PRKN: variants seen among roughly 807,000 people sequenced by gnomAD.
PRKN encodes the protein E3 ubiquitin-protein ligase parkin.
A neutral mutation model predicts 59.5 loss-of-function variants in PRKN; 56 were observed. The observed-to-expected ratio is 0.94, with a 90% CI of 0.76 to 1.18. The LOEUF (loss-of-function observed/expected upper bound fraction) is 1.18. PRKN is among the 50% of genes most tolerant of loss of function. The probability of loss-of-function intolerance (pLI) is 0.00; values close to 1 mark genes in which losing one functional copy is unlikely to be tolerated. For missense variants in PRKN, 657 were observed against 596.4 expected, an observed-to-expected ratio of 1.10 and a Z score of -1.06; for synonymous variants, 250 against 222.1, an observed-to-expected ratio of 1.13 and a Z score of -1.12.
intron 2 of PRKN, among the ~76,000 whole-genome samples, chr6:162,377,069 C>T (rs918809427): frequency 1.3e-5 from 2 of 152,074 alleles, no homozygotes; most frequent in African/African-American, 2.4e-5. Context: ...TGAACGAGGA[C>T]GTTCTGGTTG....
intron 6 of PRKN, among the ~76,000 whole-genome samples, chr6:161,841,690 T>A (rs1792993558): frequency 1.3e-5 from 2 of 152,158 alleles, no homozygotes; most frequent in Admixed American, 1.3e-4. Flanking sequence ...TCCCTCAATT[T>A]TAGCAAGATC....
At chr6:162,699,675 C>T (rs1447072349) in intron 1 of PRKN, among the ~76,000 whole-genome samples, 1 of 152,074 alleles carries the variant, frequency 6.6e-6, no homozygotes, top group East Asian at 1.9e-4. Flanking sequence ...TGGTGAAGCC[C>T]TTCTTGGGAC....
intron 7 of PRKN, among the ~76,000 whole-genome samples, chr6:161,681,192 C>T (rs1397828143): frequency 6.6e-6 from 1 of 152,084 alleles, no homozygotes; most frequent in African/African-American, 2.4e-5. Flanking sequence ...GAACTCCTGA[C>T]CTCAACTGAC....
intron 1 of PRKN, among the ~76,000 whole-genome samples, chr6:162,546,064 T>C (rs6930532): frequency 0.25 from 37,977 of 150,666 alleles, 6,148 homozygotes; most frequent in African/African-American, 0.46. Flanking sequence ...AAGTTAAATT[T>C]GAGCCAAAAG....
At chr6:162,072,691 T>A (rs185640654) in intron 4 of PRKN, among the ~76,000 whole-genome samples, 10 of 152,196 alleles carry the variant, frequency 6.6e-5, no homozygotes, top group Admixed American at 5.9e-4. Flanking sequence ...TAAACAGTGG[T>A]TTTGTGCTTT....
intron 3 of PRKN, among the ~76,000 whole-genome samples, chr6:162,250,506 A>G (rs1446445720): frequency 6.6e-6 from 1 of 152,214 alleles, no homozygotes; most frequent in Non-Finnish European, 1.5e-5. Flanking sequence ...ATAATGAGTA[A>G]CCATCCCCCA....
chr6:162,437,073 C>A (rs758478128), intron 2 of PRKN, among the ~76,000 whole-genome samples: 4 of 149,356 alleles, frequency 2.7e-5, no homozygotes, highest in Non-Finnish European at 4.4e-5. Context: ...GCCTGGGCGA[C>A]AGAGCGAGAC....
chr6:162,118,117 A>G (rs1470149607), intron 4 of PRKN, among the ~76,000 whole-genome samples: 1 of 151,922 alleles, frequency 6.6e-6, no homozygotes, highest in Non-Finnish European at 1.5e-5. Flanking sequence ...AATTTTAAAA[A>G]TGAGTATGAT....
At position 161,532,180 on chromosome 6, in the gene PRKN, A is replaced by C. The variant is rs866072946; in HGVS notation, c.1083+16674T>G. 9.9e-3 allele frequency among the ~76,000 whole-genome samples: 1,477 copies of C among 149,342 alleles called. 6 individuals are homozygous for C. The highest frequency in any genetic ancestry group is 0.01 in the Middle Eastern group (3 of 288). On this transcript the variant is annotated intron_variant, in intron 9 of 11. Transcript: ENST00000366898. ...TCTCTCTCTCTCTATATATATATAT[A>C]TATATATATATAATCTATCTATGTG...
At chr6:162,550,413 T>C (rs1374057611) in intron 1 of PRKN, among the ~76,000 whole-genome samples, 1 of 152,118 alleles carries the variant, frequency 6.6e-6, no homozygotes, top group Admixed American at 6.5e-5. Flanking sequence ...TTTTGGCTCA[T>C]TGCTACAAGA....
intron 2 of PRKN, among the ~76,000 whole-genome samples, chr6:162,265,856 G>A (rs1011984832): frequency 6.6e-6 from 1 of 152,180 alleles, no homozygotes; most frequent in African/African-American, 2.4e-5. Flanking sequence ...CACATGAGAA[G>A]ATGGCATACT....
At position 162,125,821 on chromosome 6, in the gene PRKN, G is replaced by T. The variant is rs140508438; in HGVS notation, c.535-71647C>A. ...TATTTGTTGAATGAAGGTGTAAATG[G>T]CTGTTTGATGGCTAAGACATGTCTT... On this transcript the variant is annotated intron_variant, in intron 4 of 11. Coordinates refer to ENST00000366898, the MANE Select transcript of PRKN (RefSeq NM_004562.3). 3.7e-3 allele frequency among the ~76,000 whole-genome samples: 565 copies of T among 152,268 alleles called. 7 individuals are homozygous for T. Among genetic ancestry groups the T allele is most frequent in the African/African-American group, 0.013 (532 of 41,554 alleles).
intron 2 of PRKN, among the ~76,000 whole-genome samples, chr6:162,357,367 TG>T (rs1303324369): frequency 6.6e-6 from 1 of 152,128 alleles, no homozygotes; most frequent in African/African-American, 2.4e-5. Flanking sequence ...TAAATACAGC[TG>T]GCAAGTAAGC....
rs1030722977 is a variant in PRKN, at chr6:162,500,399, C to T, written c.8-56926G>A. On this transcript the variant is annotated intron_variant, in intron 1 of 11. Transcript: ENST00000366898. ...GTTGGCCAGGCTGGTCTTGAACTCC[C>T]GACCTCAGGTGATCCACCCGCCTCA... is the stretch of plus-strand genomic sequence containing the variant. 2.1e-5 allele frequency among the ~76,000 whole-genome samples: 3 copies of T among 139,874 alleles called. No homozygotes were observed. In the South Asian group the frequency reaches 6.9e-4, roughly 32 times the overall value. 91.8% of individuals were successfully genotyped at this position (139,874 alleles called of 152,430 possible).
At position 161,444,297 on chromosome 6, in the gene PRKN, C is replaced by T. The variant is rs1583075739; in HGVS notation, c.1084-57420G>A. On this transcript the variant is annotated intron_variant, in intron 9 of 11. Transcript: ENST00000366898. The surrounding 1 kb of genome is among the most constrained non-coding windows in gnomAD (Gnocchi z 5.6). ...CAACTTGTCTTTCCTATTTAGCAAA[C>T]GATTGAGATTCTCTTCCTTAAAGAC... Among the ~76,000 whole-genome samples the T allele has an allele frequency of 1.3e-5, 2 of 152,182 alleles. No homozygotes were observed. The highest frequency in any genetic ancestry group is 4.1e-4 in the South Asian group (2 of 4,828).
intron 2 of PRKN, among the ~76,000 whole-genome samples, chr6:162,353,746 T>C (rs551106855): frequency 9.2e-5 from 14 of 152,242 alleles, no homozygotes; most frequent in African/African-American, 3.1e-4. Flanking sequence ...CACAGCCTAC[T>C]TGATTTTGAG....
chr6:162,336,930 C>T (rs1319940013), intron 2 of PRKN, among the ~76,000 whole-genome samples: 1 of 152,170 alleles, frequency 6.6e-6, no homozygotes, highest in African/African-American at 2.4e-5. Context: ...AACATATCTA[C>T]TCTCAGATAA....
intron 1 of PRKN, among the ~76,000 whole-genome samples, chr6:162,652,396 C>T (rs1427759083): frequency 6.6e-6 from 1 of 152,130 alleles, no homozygotes; most frequent in Non-Finnish European, 1.5e-5. Context: ...AGTGTTGTAT[C>T]AGTTAACAAT....
intron 4 of PRKN, among the ~76,000 whole-genome samples, chr6:162,181,388 C>G (rs1329380629): frequency 6.6e-6 from 1 of 152,190 alleles, no homozygotes; most frequent in Non-Finnish European, 1.5e-5. Flanking sequence ...TGCACATGAG[C>G]TGAATAAGGA....
Sources: allele counts gnomAD v4.1 joint callset (sites outside exome capture counted in the v4.1 genomes callset), GRCh38; gene constraint gnomAD v4.1.1; non-coding constraint Gnocchi (gnomAD v3.1); transcripts MANE v1.5; gene names NCBI Gene and HGNC (gene_info 2026-07-23, HGNC 2026-07-21).